CALD1: variants seen among roughly 807,000 people sequenced by gnomAD.
CALD1 encodes caldesmon 1.
A neutral mutation model predicts 99.9 loss-of-function variants in CALD1; 33 were observed. That is an observed-to-expected ratio of 0.33 (90% CI 0.25 to 0.44). CALD1 has a LOEUF of 0.44. CALD1 is among the 20% of genes least tolerant of loss of function. CALD1 has a pLI of 1.00. For synonymous variants in CALD1, 310 were observed against 325.0 expected (o/e 0.95, Z 0.50); for missense variants, 861 against 962.1 (o/e 0.89, Z 1.39).
intron 3 of CALD1, among the ~76,000 whole-genome samples, chr7:134,925,000 G>C (rs1046385389): frequency 6.6e-6 from 1 of 152,158 alleles, no homozygotes; most frequent in African/African-American, 2.4e-5. Flanking sequence ...GGCCTCACCA[G>C]CCATGCTGAA....
chr7:134,863,367 GAT>G (rs1184422748), intron 2 of CALD1, among the ~76,000 whole-genome samples: 1 of 152,228 alleles, frequency 6.6e-6, no homozygotes, highest in Non-Finnish European at 1.5e-5. Context: ...TGACACAACA[GAT>G]TTTATTCTTC....
At chr7:134,726,387 CT>C in the CALD1 span, among the ~76,000 whole-genome samples, 1 of 137,156 alleles carries the variant, frequency 7.3e-6, no homozygotes, top group Non-Finnish European at 1.5e-5. Flanking sequence ...TAATATATAT[CT>C]TTTTATATAT....
chr7:134,772,846 G>T (rs1254062666), intron 1 of CALD1, among the ~76,000 whole-genome samples: 1 of 95,042 alleles, frequency 1.1e-5, no homozygotes, highest in Non-Finnish European at 1.9e-5. Flanking sequence ...GTCTCTAATG[G>T]TTGTTTCTTA....
At chr7:134,754,818 T>G (rs1383756044) in intron 1 of CALD1, among the ~76,000 whole-genome samples, 2 of 152,166 alleles carry the variant, frequency 1.3e-5, no homozygotes, top group African/African-American at 4.8e-5. Context: ...AAATACAATG[T>G]ATAGCTTATA....
At chr7:134,851,086 A>T (rs1043055838) in intron 2 of CALD1, among the ~76,000 whole-genome samples, 1 of 152,220 alleles carries the variant, frequency 6.6e-6, no homozygotes. Context: ...TGTCTTTACT[A>T]GCAGTGTGAG....
At chr7:134,964,063 G>A (rs978575888) in intron 13 of CALD1, among the ~76,000 whole-genome samples, 2 of 152,188 alleles carry the variant, frequency 1.3e-5, no homozygotes, top group Non-Finnish European at 2.9e-5. Context: ...TGAGCGTGGT[G>A]GCTTGTGCCT....
rs563822781 is a variant in CALD1, at chr7:134,836,591, C to T, written c.-129-7293C>T. On this transcript the variant is annotated intron_variant, in intron 1 of 14. Transcript: ENST00000361675. Reference sequence around the variant, plus strand: ...GAGTGGTAGTTATACCCAGCTCAAACTTCAGGTACACTATGACTCTGTGAA... The same window carrying T: ...GAGTGGTAGTTATACCCAGCTCAAATTTCAGGTACACTATGACTCTGTGAA... Among the ~76,000 whole-genome samples, 4 of 152,310 alleles carry T rather than the reference C, an allele frequency of 2.6e-5. No individual in the cohort carries two copies. The South Asian group carries it at 8.3e-4, about 32-fold the overall frequency.
intron 1 of CALD1, among the ~76,000 whole-genome samples, chr7:134,751,905 G>T (rs866370652): frequency 3.3e-5 from 5 of 152,122 alleles, no homozygotes; most frequent in Admixed American, 6.5e-5. Flanking sequence ...TGAGCCAGGG[G>T]ACGGAGGTTG....
chr7:134,887,678 ATGTG>A (rs1175094068), intron 3 of CALD1, among the ~76,000 whole-genome samples: 44 of 146,852 alleles, frequency 3.0e-4, no homozygotes, highest in African/African-American at 7.7e-4. Flanking sequence ...GTATGCATGC[ATGTG>A]TGTGTATGTG....
chr7:134,839,796 C>A (rs1029469499), intron 1 of CALD1, among the ~76,000 whole-genome samples: 1 of 152,026 alleles, frequency 6.6e-6, no homozygotes, highest in African/African-American at 2.4e-5. Flanking sequence ...CTCAAGAGAT[C>A]CTCCCACCTT....
Position 134,857,413 on chromosome 7 carries a change from TC to T in CALD1, c.-41-10277del, listed in dbSNP as rs538273998. On this transcript the variant is annotated intron_variant, in intron 2 of 14. Transcript: ENST00000361675. ...GCCTCGTGATCCGCCCGCCTCGGCC[TC>T]CCAAAGTGCTGGGATTACAAGCGTG... is the stretch of plus-strand genomic sequence containing the variant. Among the ~76,000 whole-genome samples the T allele has an allele frequency of 4.6e-3, 705 of 151,918 alleles. 7 individuals are homozygous for T. The highest frequency in any genetic ancestry group is 0.016 in the African/African-American group (678 of 41,394).
chr7:134,715,686 C>T, the CALD1 span, among the ~76,000 whole-genome samples: 1 of 152,246 alleles, frequency 6.6e-6, no homozygotes, highest in East Asian at 1.9e-4. Flanking sequence ...TTATTTTCCT[C>T]TGCCCCACAA....
intron 1 of CALD1, among the ~76,000 whole-genome samples, chr7:134,756,846 C>T (rs73446122): frequency 0.04 from 6,134 of 152,142 alleles, 369 homozygotes; most frequent in African/African-American, 0.13. Context: ...TCCATGGGCC[C>T]GTAGGAACCT....
chr7:134,790,387 A>G (rs1797479857), intron 1 of CALD1, among the ~76,000 whole-genome samples: 1 of 152,178 alleles, frequency 6.6e-6, no homozygotes, highest in African/African-American at 2.4e-5. Flanking sequence ...CCAAAGTCAC[A>G]CTGCTGGAAA....
chr7:134,825,430 T>A (rs976543168), intron 1 of CALD1, among the ~76,000 whole-genome samples: 1 of 152,166 alleles, frequency 6.6e-6, no homozygotes, highest in Non-Finnish European at 1.5e-5. Flanking sequence ...TATAAGTGAT[T>A]AGGGTAATTT....
intron 1 of CALD1, among the ~76,000 whole-genome samples, chr7:134,755,505 C>T (rs1019890108): frequency 2.0e-5 from 3 of 152,062 alleles, no homozygotes; most frequent in African/African-American, 7.2e-5. Flanking sequence ...ATTCTTTGCC[C>T]ATTTTTCTAT....
chr7:134,765,827 T>C (rs868629072), intron 1 of CALD1, among the ~76,000 whole-genome samples: 2 of 152,344 alleles, frequency 1.3e-5, no homozygotes, highest in Non-Finnish European at 2.9e-5. Context: ...GGTGCTGCCC[T>C]GAAAAGTGAT....
At chr7:134,841,840 T>C (rs2132150343) in intron 1 of CALD1, among the ~76,000 whole-genome samples, 1 of 152,256 alleles carries the variant, frequency 6.6e-6, no homozygotes, top group Middle Eastern at 3.4e-3. Context: ...GGAAGTTTCA[T>C]GATCCCAGAG....
intron 3 of CALD1, among the ~76,000 whole-genome samples, chr7:134,896,527 C>T (rs555976861): frequency 4.3e-4 from 65 of 152,310 alleles, no homozygotes; most frequent in Admixed American, 1.2e-3. Context: ...CAGCACTGCA[C>T]GAGCAGTGGT....
Sources: gnomAD v4.1 joint callset for allele counts (sites outside exome capture counted in the v4.1 genomes callset) on GRCh38, gnomAD v4.1.1 for gene constraint, MANE v1.5 for transcripts, NCBI Gene and HGNC (gene_info 2026-07-23, HGNC 2026-07-21) for gene names.